TMEM41B: variants seen among roughly 807,000 people sequenced by gnomAD.
The protein encoded by TMEM41B is protein stasimon.
A neutral mutation model predicts 31.9 loss-of-function variants in TMEM41B; 18 were observed. The ratio of observed to expected loss-of-function variants is 0.56; its 90% CI spans 0.39 to 0.84. The LOEUF is 0.84. TMEM41B is among the 40% of genes least tolerant of loss of function. TMEM41B has a pLI of 0.00. For missense variants in TMEM41B, 322 were observed against 348.0 expected (o/e 0.93, Z 0.59); for synonymous variants, 144 against 124.3 (o/e 1.16, Z -1.05).
chr11:9,296,921 TTTTG>T (rs1274414744), intron 2 of TMEM41B, among the ~76,000 whole-genome samples: 1 of 151,998 alleles, frequency 6.6e-6, no homozygotes, highest in Admixed American at 6.6e-5. Context: ...ATTTCTTTTT[TTTTG>T]TTTGTTCTAT....
chr11:9,300,134 ATAAT>A (rs532700740), intron 1 of TMEM41B, among the ~76,000 whole-genome samples: 34 of 152,250 alleles, frequency 2.2e-4, no homozygotes, highest in African/African-American at 7.7e-4. Context: ...AATAAAAACA[ATAAT>A]TAATTATATT....
chr11:9,287,921 C>T (rs985119795), intron 4 of TMEM41B, 115 bp from the exon 5 acceptor site: 2 of 742,182 alleles, frequency 2.7e-6, no homozygotes, highest in Non-Finnish European at 4.5e-6. Flanking sequence ...GGGGAGGGTA[C>T]TCTGCATGAC....
At chr11:9,306,414 G>A (rs889246007) in intron 1 of TMEM41B, among the ~76,000 whole-genome samples, 1 of 152,086 alleles carries the variant, frequency 6.6e-6, no homozygotes, top group Non-Finnish European at 1.5e-5. Flanking sequence ...CGGGCATGGC[G>A]GCTCACGCCT....
chr11:9,283,656 G>A, intron 6 of TMEM41B, 63 bp from the exon 7 acceptor site: 1 of 1,411,492 alleles, frequency 7.1e-7, no homozygotes. Flanking sequence ...AAATTAAAAT[G>A]TTCTGTGTGC....
chr11:9,287,465 A>G (rs1182068515), intron 5 of TMEM41B, among the ~76,000 whole-genome samples: 1 of 152,222 alleles, frequency 6.6e-6, no homozygotes, highest in African/African-American at 2.4e-5. Flanking sequence ...TAAATTTACT[A>G]AGATAAAGAA....
intron 2 of TMEM41B, among the ~76,000 whole-genome samples, chr11:9,296,908 A>ATCATTTC (rs1368919485): frequency 6.6e-6 from 1 of 151,990 alleles, no homozygotes; most frequent in Non-Finnish European, 1.5e-5. Flanking sequence ...GCATATTATG[A>ATCATTTC]TCATTTCTTT....
At chr11:9,287,260 G>A (rs949915042) in intron 5 of TMEM41B, among the ~76,000 whole-genome samples, 4 of 152,048 alleles carry the variant, frequency 2.6e-5, no homozygotes, top group African/African-American at 7.2e-5. Flanking sequence ...GCAGTGAGCC[G>A]AGGTCATGCC....
At position 9,286,486 on chromosome 11, in the gene TMEM41B, T is replaced by A. The variant is rs765608966; in HGVS notation, c.675A>T (p.Pro225=). 3.7e-6 allele frequency: 6 copies of A among 1,611,350 alleles called. No homozygotes were observed. The change falls in exon 6 of 7, where the codon CCA becomes CCT. Residue 225 remains proline, a synonymous_variant. Coordinates refer to ENST00000528080, the MANE Select transcript of TMEM41B (RefSeq NM_015012.4). ...AAGTACCAATAAAAAAAACTTTCAA[T>A]GGCACGTTTATCACAGGAGATGTGA... The part of the protein sequence containing the change: ...INITSPVINV[P]LKVFFIGTFL...
chr11:9,306,469 T>C (rs1439705239), intron 1 of TMEM41B, among the ~76,000 whole-genome samples: 1 of 151,602 alleles, frequency 6.6e-6, no homozygotes, highest in Non-Finnish European at 1.5e-5. Flanking sequence ...GATCATGAGG[T>C]CAGGAGATCG....
chr11:9,298,775 GA>G (rs35116259), intron 2 of TMEM41B, among the ~76,000 whole-genome samples: 54,325 of 143,772 alleles, frequency 0.38, 10,213 homozygotes, highest in African/African-American at 0.45. Flanking sequence ...CTCAAATGAA[GA>G]AAAAAAAAAA....
At position 9,282,393 on chromosome 11, in the gene TMEM41B, A is replaced by ATTATC. The variant is rs1852737407; in HGVS notation, c.*1026_*1030dup. 6.6e-6 allele frequency: 1 copy of ATTATC among 151,914 alleles called. No individual in the cohort carries two copies. The highest frequency in any genetic ancestry group is 2.1e-4 in the South Asian group (1 of 4,828). 9.4% of individuals were successfully genotyped at this position (151,914 alleles called of 1,614,324 possible). A position where few individuals can be genotyped will look rare whatever the true frequency, so the allele number is the denominator to read the frequency against. The stretch of plus-strand genomic sequence containing the variant: ...AGACTCCGTCTCAAAAAAAAAAAAA[A>ATTATC]TTATCAATACCAAATATGATACAGT... On this transcript the variant is annotated 3_prime_UTR_variant, in exon 7 of 7. Coordinates refer to ENST00000528080, the MANE Select transcript of TMEM41B (RefSeq NM_015012.4).
intron 1 of TMEM41B, among the ~76,000 whole-genome samples, chr11:9,300,809 C>T (rs529301232): frequency 2.0e-5 from 3 of 151,408 alleles, no homozygotes; most frequent in East Asian, 3.9e-4. Context: ...ACCCGGGAGG[C>T]AGAGCTTGCA....
Position 9,287,793 on chromosome 11 carries a change from C to A in TMEM41B, c.476G>T (p.Gly159Val), listed in dbSNP as rs1484219571. ...GGAAAGCATATAACAGAAAGAGGCA[C>A]CAAGTCCAGAACACTGGAAAACAAA... The part of the protein sequence containing the change: ...LFLVCLCSGL[G>V]ASFCYMLSYL... Residue 159 changes from glycine (G) to valine (V), a missense_variant, in exon 5 of 7, where the codon GGT (glycine) becomes GTT (valine). Gly to Val is a moderately radical substitution (Grantham distance 109). Around this residue, in one of 3 missense-constraint regions of TMEM41B, gnomAD observed 47 missense variants for 84.8 expected, o/e 0.55. Coordinates refer to ENST00000528080, the MANE Select transcript of TMEM41B (RefSeq NM_015012.4). 3.1e-6 allele frequency: 5 copies of A among 1,612,162 alleles called. No individual in the cohort carries two copies. The South Asian group carries it at 4.4e-5, about 14-fold the overall frequency.
intron 1 of TMEM41B, 63 bp from the exon 2 acceptor site, chr11:9,299,764 T>C: frequency 1.7e-6 from 2 of 1,164,740 alleles, no homozygotes; most frequent in Non-Finnish European, 2.5e-6. Flanking sequence ...GCAAATAATT[T>C]CTGTACATGC....
chr11:9,299,780 T>C, intron 1 of TMEM41B, 79 bp from the exon 2 acceptor site: 1 of 1,058,956 alleles, frequency 9.4e-7, no homozygotes, highest in Middle Eastern at 2.6e-4. Flanking sequence ...CATGCTTTCC[T>C]TCCAGAAAAT....
At chr11:9,303,840 G>T (rs1383508419) in intron 1 of TMEM41B, among the ~76,000 whole-genome samples, 1 of 151,420 alleles carries the variant, frequency 6.6e-6, no homozygotes, top group Non-Finnish European at 1.5e-5. Flanking sequence ...ACTAATTTTT[G>T]TATTTTTAGT....
intron 6 of TMEM41B, among the ~76,000 whole-genome samples, chr11:9,284,876 C>T (rs1852801552): frequency 6.6e-6 from 1 of 152,086 alleles, no homozygotes; most frequent in South Asian, 2.1e-4. Flanking sequence ...AGAATGATGA[C>T]ATTTCACTAA....
At position 9,288,515 on chromosome 11, in the gene TMEM41B, G is replaced by A; in HGVS notation, c.389C>T (p.Pro130Leu). Residue 130 changes from proline to leucine, a missense_variant, in exon 4 of 7, where the codon CCA becomes CTA. By Grantham distance (98) the Pro-to-Leu change is moderately conservative. Transcript: ENST00000528080. Reference protein sequence around the residue: ...TYIFLQTFAIPGSIFLSILSG... With the variant: ...TYIFLQTFAILGSIFLSILSG... Reference sequence around the variant, plus strand: ...GAGTATACTGAGAAATATAGAGCCTGGAATAGCAAATGTTTGCAAGCTGGT... The same window carrying A: ...GAGTATACTGAGAAATATAGAGCCTAGAATAGCAAATGTTTGCAAGCTGGT... 6.3e-7 allele frequency: 1 copy of A among 1,580,172 alleles called. No homozygotes were observed. Among genetic ancestry groups the A allele is most frequent in the East Asian group, 2.3e-5 (1 of 43,448 alleles).
At chr11:9,310,038 A>ATTT (rs202042952) in intron 1 of TMEM41B, among the ~76,000 whole-genome samples, 1 of 149,324 alleles carries the variant, frequency 6.7e-6, no homozygotes, top group Non-Finnish European at 1.5e-5. Context: ...TATTATTATT[A>ATTT]TTATTATTTT....
Sources: allele counts gnomAD v4.1 joint callset (sites outside exome capture counted in the v4.1 genomes callset), GRCh38; gene constraint gnomAD v4.1.1; regional missense constraint gnomAD v4.1.1; transcripts MANE v1.5; gene names NCBI Gene and HGNC (gene_info 2026-07-23, HGNC 2026-07-21).